CYTH3: variants seen among roughly 807,000 people sequenced by gnomAD.
CYTH3 encodes cytohesin 3.
In CYTH3, 23 loss-of-function variants were observed where a neutral mutation model predicts 55.1. The ratio of observed to expected loss-of-function variants is 0.42; its 90% CI spans 0.30 to 0.59. The LOEUF (loss-of-function observed/expected upper bound fraction) is 0.59. Ranked by LOEUF, CYTH3 falls within the 20% of genes least tolerant of loss-of-function variation. CYTH3 has a pLI of 0.20. For synonymous variants in CYTH3, 249 were observed against 194.9 expected, an observed-to-expected ratio of 1.28 and a Z score of -2.31; for missense variants, 413 against 524.8, an observed-to-expected ratio of 0.79 and a Z score of 2.08.
chr7:6,187,668 G>A lies in CYTH3; in HGVS notation c.171C>T (p.Ser57=), dbSNP rs146001372. ...CCACAAATTGTTACCTCTCCTCTAC[G>A]GAAGTTAGATTGTCGATCTCTGTCA... ...EVMTEIDNLT[S]VEESKTTQRN... The change falls in exon 3 of 13, where the codon TCC becomes TCT. Residue 57 remains serine (S), a synonymous_variant. Coordinates refer to ENST00000350796, the MANE Select transcript of CYTH3 (RefSeq NM_004227.4). The A allele has an allele frequency of 5.3e-5, 86 of 1,613,558 alleles. No individual in the cohort carries two copies. In the Middle Eastern group the frequency reaches 9.9e-4, roughly 19 times the overall value.
At chr7:6,239,997 A>G (rs1177727334) in intron 1 of CYTH3, among the ~76,000 whole-genome samples, 1 of 152,228 alleles carries the variant, frequency 6.6e-6, no homozygotes, top group Non-Finnish European at 1.5e-5. Context: ...TAATTTATAT[A>G]TTTAATGCAA....
chr7:6,205,275 T>C (rs925280998), intron 1 of CYTH3, among the ~76,000 whole-genome samples: 5 of 151,858 alleles, frequency 3.3e-5, no homozygotes, highest in Non-Finnish European at 7.4e-5. Flanking sequence ...TAATGTAAAT[T>C]AGAAAATACC....
chr7:6,207,390 G>A (rs1236525150), intron 1 of CYTH3, among the ~76,000 whole-genome samples: 4 of 152,006 alleles, frequency 2.6e-5, no homozygotes, highest in Non-Finnish European at 5.9e-5. Context: ...TGCCACGCCC[G>A]ACCTAAAATG....
intron 1 of CYTH3, among the ~76,000 whole-genome samples, chr7:6,237,317 C>T (rs1779548845): frequency 6.6e-6 from 1 of 152,160 alleles, no homozygotes; most frequent in South Asian, 2.1e-4. Flanking sequence ...CAGCTCACAT[C>T]CCACTGATAA....
At chr7:6,231,008 A>G (rs1181659972) in intron 1 of CYTH3, among the ~76,000 whole-genome samples, 2 of 152,050 alleles carry the variant, frequency 1.3e-5, no homozygotes, top group East Asian at 3.9e-4. Context: ...CTGTGCCTTC[A>G]CTTTCCCCAC....
intron 5 of CYTH3, 67 bp downstream of exon 5, chr7:6,177,756 G>A (rs1446475062): frequency 1.4e-5 from 18 of 1,241,876 alleles, no homozygotes; most frequent in Admixed American, 5.3e-5. Context: ...AAAGTGGAGC[G>A]TGAGCCTAGG....
chr7:6,211,387 T>C (rs906508299), intron 1 of CYTH3, among the ~76,000 whole-genome samples: 4 of 152,270 alleles, frequency 2.6e-5, no homozygotes, highest in African/African-American at 9.6e-5. Context: ...GGAGCCACAC[T>C]GCGGAGCCTG....
In CYTH3 at chr7:6,171,427, A is replaced by G; in HGVS notation, c.450-113T>C. 2.3e-6 allele frequency: 2 copies of G among 880,104 alleles called. No individual in the cohort carries two copies. Among genetic ancestry groups the G allele is most frequent in the South Asian group, 3.1e-5 (2 of 64,946 alleles). 54.5% of individuals were successfully genotyped at this position (880,104 alleles called of 1,614,324 possible). A position where few individuals can be genotyped will look rare whatever the true frequency, so the allele number is the denominator to read the frequency against. On this transcript the variant is annotated intron_variant, in intron 6 of 12. Transcript: ENST00000350796. The surrounding 1 kb of genome is among the most constrained non-coding windows in gnomAD (Gnocchi z 6.7). ...CGTTTTCCTCCCGAGCCTGGGGTAC[A>G]GCTCTGGCAGGGGCTTGGGGGCGCA...
intron 1 of CYTH3, among the ~76,000 whole-genome samples, chr7:6,191,288 A>G (rs148499495): frequency 1.3e-5 from 2 of 152,180 alleles, no homozygotes; most frequent in East Asian, 3.9e-4. Context: ...TCTCTACAAA[A>G]ATTAAAATAA....
chr7:6,264,913 GA>G (rs1780448699), intron 1 of CYTH3, among the ~76,000 whole-genome samples: 1 of 152,216 alleles, frequency 6.6e-6, no homozygotes, highest in African/African-American at 2.4e-5. Flanking sequence ...TGCTAAGGGA[GA>G]AAAATAGAGC....
chr7:6,171,078 G>A lies in CYTH3; in HGVS notation c.563-100C>T. The A allele has an allele frequency of 6.3e-7, 1 of 1,588,730 alleles. No homozygotes were observed. The highest frequency in any genetic ancestry group is 8.6e-7 in the Non-Finnish European group (1 of 1,161,836). On this transcript the variant is annotated intron_variant, in intron 7 of 12. Coordinates refer to ENST00000350796, the MANE Select transcript of CYTH3 (RefSeq NM_004227.4). The surrounding 1 kb of genome is among the most constrained non-coding windows in gnomAD (Gnocchi z 6.7). ...CCTGCAAGAGGTGCCCGGCCCACAGGTCGTCCTCGCTCAGGGAAGGCAGGT... is the reference window on the plus strand; with the variant it reads ...CCTGCAAGAGGTGCCCGGCCCACAGATCGTCCTCGCTCAGGGAAGGCAGGT...
rs774662988 is a variant in CYTH3, at chr7:6,187,022, G to A, written c.249+28C>T. The A allele has an allele frequency of 2.4e-5, 39 of 1,607,776 alleles. 1 individual carries two copies. In the East Asian group the frequency reaches 4.7e-4, roughly 19 times the overall value. ...CAAATCAATTAGTCCATCTCCTGCAGGCCAGAAAAGGGAGAGCATTCTCTT... is the reference window on the plus strand; with the variant it reads ...CAAATCAATTAGTCCATCTCCTGCAAGCCAGAAAAGGGAGAGCATTCTCTT... On this transcript the variant is annotated intron_variant, in intron 4 of 12. Coordinates refer to ENST00000350796, the MANE Select transcript of CYTH3 (RefSeq NM_004227.4).
intron 1 of CYTH3, among the ~76,000 whole-genome samples, chr7:6,215,383 G>A (rs1157233649): frequency 6.6e-6 from 1 of 152,146 alleles, no homozygotes; most frequent in East Asian, 1.9e-4. Context: ...GAGGTCAGGA[G>A]ATCAAGACCA....
intron 1 of CYTH3, among the ~76,000 whole-genome samples, chr7:6,220,117 A>T (rs957351299): frequency 2.0e-5 from 3 of 152,014 alleles, no homozygotes; most frequent in Non-Finnish European, 2.9e-5. Context: ...GTCTGGTCTC[A>T]AACTCCTGAC....
At chr7:6,259,790 TATATATA>T (rs1278685328) in intron 1 of CYTH3, among the ~76,000 whole-genome samples, 1 of 14,994 alleles carries the variant, frequency 6.7e-5, no homozygotes, top group Non-Finnish European at 8.7e-5. Context: ...ATATAATATA[TATATATA>T]TATATATATA....
chr7:6,207,515 A>G (rs948801886), intron 1 of CYTH3, among the ~76,000 whole-genome samples: 4 of 152,208 alleles, frequency 2.6e-5, no homozygotes, highest in Non-Finnish European at 4.4e-5. Context: ...CTGTAATCCC[A>G]GTACTTTGGG....
In CYTH3 at chr7:6,234,616, A is replaced by G. The variant is rs962374522; in HGVS notation, c.34+37858T>C. On this transcript the variant is annotated intron_variant, in intron 1 of 12. Coordinates refer to ENST00000350796, the MANE Select transcript of CYTH3 (RefSeq NM_004227.4). The stretch of plus-strand genomic sequence containing the variant: ...GGGACATCCCACACCTGTGACTGGA[A>G]GCCCCTGGGGACCCGGTGACCTGTT... 2.6e-5 allele frequency among the ~76,000 whole-genome samples: 4 copies of G among 152,188 alleles called. No individual in the cohort carries two copies. The East Asian group carries it at 5.8e-4, about 22-fold the overall frequency.
intron 1 of CYTH3, among the ~76,000 whole-genome samples, chr7:6,203,489 G>A (rs969091723): frequency 1.4e-4 from 22 of 152,022 alleles, no homozygotes; most frequent in African/African-American, 5.3e-4. Context: ...GATACTTTCT[G>A]GTAAGATCAA....
chr7:6,238,579 T>G (rs910047603), intron 1 of CYTH3, among the ~76,000 whole-genome samples: 97 of 152,308 alleles, frequency 6.4e-4, no homozygotes, highest in African/African-American at 2.0e-3. Flanking sequence ...AGCCCTTCAG[T>G]GAAACTGTTC....
Sources: allele counts gnomAD v4.1 joint callset (sites outside exome capture counted in the v4.1 genomes callset), GRCh38; gene constraint gnomAD v4.1.1; non-coding constraint Gnocchi (gnomAD v3.1); transcripts MANE v1.5; gene names NCBI Gene and HGNC (gene_info 2026-07-23, HGNC 2026-07-21).